Variants in TRIM37 observed in about 807,000 individuals in gnomAD.
TRIM37 encodes the protein E3 ubiquitin-protein ligase TRIM37.
TRIM37 carries 80 observed loss-of-function variants against 129.8 expected under a neutral mutation model. The observed-to-expected ratio is 0.62, with a 90% CI of 0.51 to 0.74. The LOEUF (loss-of-function observed/expected upper bound fraction) is 0.74, where lower values mean the gene tolerates loss of function less well. Ranked by LOEUF, TRIM37 falls within the 30% of genes least tolerant of loss-of-function variation. The probability of loss-of-function intolerance (pLI) is 0.00; values close to 1 mark genes in which losing one functional copy is unlikely to be tolerated. For synonymous variants in TRIM37, 389 were observed against 387.1 expected (o/e 1.00, Z -0.06); for missense variants, 1,054 against 1,176.5 (o/e 0.90, Z 1.52).
intron 23 of TRIM37, among the ~76,000 whole-genome samples, chr17:59,001,379 A>T (rs1239961296): frequency 6.6e-6 from 1 of 151,830 alleles, no homozygotes; most frequent in Non-Finnish European, 1.5e-5. Context: ...ACCAAGCCAA[A>T]TATTACTGGC....
Position 59,012,338 on chromosome 17 carries a change from G to A in TRIM37, c.2685C>T (p.Ala895=). 2 of 1,606,300 alleles carry A rather than the reference G, an allele frequency of 1.2e-6. No individual in the cohort carries two copies. The highest frequency in any genetic ancestry group is 2.7e-5 in the African/African-American group (2 of 74,656). ...TTTATCATTCCTTACCTTCTTCAGGGGCAGCTGAAGCTCCTTCAGGTAGTA... is the reference window on the plus strand; with the variant it reads ...TTTATCATTCCTTACCTTCTTCAGGAGCAGCTGAAGCTCCTTCAGGTAGTA... ...QPVLPEGASA[A]PEEGMSSDSD... is the part of the protein sequence containing the mutation. Residue 895 remains alanine (A), a synonymous_variant, in exon 22 of 24, where the codon GCC becomes GCT. Transcript: ENST00000262294.
At chr17:59,067,017 A>T (rs1184262641) in intron 9 of TRIM37, among the ~76,000 whole-genome samples, 1 of 152,078 alleles carries the variant, frequency 6.6e-6, no homozygotes. Context: ...TTTGCTTTTT[A>T]AATTTAAATT....
At chr17:59,054,632 T>C (rs773329464) in intron 13 of TRIM37, among the ~76,000 whole-genome samples, 3 of 151,122 alleles carry the variant, frequency 2.0e-5, no homozygotes, top group Non-Finnish European at 4.4e-5. Flanking sequence ...CTGTAAAGAC[T>C]ACCCCACGTT....
chr17:59,087,658 A>G (rs759749443), intron 4 of TRIM37, among the ~76,000 whole-genome samples: 8 of 151,702 alleles, frequency 5.3e-5, no homozygotes, highest in Non-Finnish European at 1.2e-4. Flanking sequence ...TTTTCTAATG[A>G]CCTGTGAGGT....
chr17:58,998,610 G>A lies in TRIM37; in HGVS notation c.*767C>T, dbSNP rs1227968502. 1.0e-6 allele frequency: 1 copy of A among 985,200 alleles called. No homozygotes were observed. Among genetic ancestry groups the A allele is most frequent in the East Asian group, 1.1e-4 (1 of 8,828 alleles). The allele number at this position is 985,200 out of a possible 1,614,324, so 61.0% of individuals were successfully genotyped here. ...TAATGAAAATAAAGAAGAAAAGGGG[G>A]CTTTAAAATATTTGTTGCACTACAG... On this transcript the variant is annotated 3_prime_UTR_variant, in exon 24 of 24. Transcript: ENST00000262294.
In TRIM37 at chr17:59,057,911, T is replaced by C. The variant is rs187434212; in HGVS notation, c.1020-857A>G. Among the ~76,000 whole-genome samples, 183 of 152,254 alleles carry C rather than the reference T, an allele frequency of 1.2e-3. 1 individual carries two copies. The highest frequency in any genetic ancestry group is 6.8e-3 in the Middle Eastern group (2 of 294). ...TAAAGATGTTTACCGATATATCAGG[T>C]ATAAAACAACACCTCAAAAAATAAA... On this transcript the variant is annotated intron_variant, in intron 12 of 23. Transcript: ENST00000262294.
chr17:59,088,476 T>C, intron 3 of TRIM37, 69 bp from the exon 4 acceptor site: 1 of 1,000,808 alleles, frequency 1.0e-6, no homozygotes, highest in Non-Finnish European at 1.6e-6. Context: ...TAAATACGTT[T>C]CTCAAAATAG....
At chr17:59,018,813 A>G (rs982422803) in intron 19 of TRIM37, among the ~76,000 whole-genome samples, 2 of 152,126 alleles carry the variant, frequency 1.3e-5, no homozygotes, top group African/African-American at 4.8e-5. Context: ...TCTTAAATGG[A>G]ACACTCACTT....
chr17:58,998,159 AG>A (rs2033190350), downstream of TRIM37: 2 of 950,170 alleles, frequency 2.1e-6, no homozygotes, highest in African/African-American at 1.8e-5. Context: ...TGAGTAGAAA[AG>A]AAGGGGTTTC....
At chr17:59,090,030 GT>G (rs1203539487) in intron 3 of TRIM37, 1 of 152,064 alleles carries the variant, frequency 6.6e-6, no homozygotes, top group Non-Finnish European at 1.5e-5. Flanking sequence ...AGCCCAGGAG[GT>G]CGAGGCTGCA....
downstream of TRIM37, among the ~76,000 whole-genome samples, chr17:58,997,257 C>T (rs1450037509): frequency 6.6e-6 from 1 of 152,124 alleles, no homozygotes; most frequent in Admixed American, 6.6e-5. Context: ...TACGGAAACT[C>T]TTGCACAATT....
At chr17:58,972,876 G>A in the TRIM37 span, 2 of 1,613,252 alleles carry the variant, frequency 1.2e-6, no homozygotes, top group Non-Finnish European at 8.5e-7. Flanking sequence ...GCGTAGTCTG[G>A]TTTGGTGCCT....
At chr17:59,099,838 T>C (rs1457509329) in intron 2 of TRIM37, among the ~76,000 whole-genome samples, 4 of 152,182 alleles carry the variant, frequency 2.6e-5, no homozygotes, top group Admixed American at 2.0e-4. Context: ...AGTTTCGCTC[T>C]TGTTGCCCAG....
chr17:59,061,161 A>G (rs760420956), intron 11 of TRIM37, 53 bp from the exon 12 acceptor site: 1 of 1,391,680 alleles, frequency 7.2e-7, no homozygotes, highest in Non-Finnish European at 1.0e-6. Flanking sequence ...ACAATAAAAC[A>G]AAATGCAGAT....
rs776748610 is a variant in TRIM37, at chr17:58,999,469, A to C, written c.2813-10T>G. 49 of 1,595,090 alleles carry C rather than the reference A, an allele frequency of 3.1e-5. No homozygotes were observed. Among genetic ancestry groups the C allele is most frequent in the Middle Eastern group, 1.7e-4 (1 of 5,840 alleles). ...AAACTGGAATGTGTATCTATGATTA[A>C]AAAATAAATAAAAAATTTAAAATTT... On this transcript the variant is annotated splice_polypyrimidine_tract_variant and intron_variant, in intron 23 of 23. Coordinates refer to ENST00000262294, the MANE Select transcript of TRIM37 (RefSeq NM_015294.6).
chr17:58,973,384 G>A, the TRIM37 span, among the ~76,000 whole-genome samples: 8 of 149,344 alleles, frequency 5.4e-5, no homozygotes, highest in Non-Finnish European at 7.4e-5. Context: ...GCCATTGCAC[G>A]CCAGCCTGGG....
intron 22 of TRIM37, among the ~76,000 whole-genome samples, 185 bp from the exon 23 acceptor site, chr17:59,001,899 C>T (rs535614793): frequency 6.6e-6 from 1 of 152,294 alleles, no homozygotes; most frequent in Non-Finnish European, 1.5e-5. Context: ...TTCTCTTTAG[C>T]TATTTAGAGT....
At position 59,081,111 on chromosome 17, in the gene TRIM37, A is replaced by G. The variant is rs780787361; in HGVS notation, c.478T>C (p.Leu160=). The change falls in exon 6 of 24, where the codon TTA becomes CTA. Residue 160 remains leucine (L), a synonymous_variant. Coordinates refer to ENST00000262294, the MANE Select transcript of TRIM37 (RefSeq NM_015294.6). ...AGTAGTCTTACCACTTCTTGAACTAAGCTGATCAGTTCCATGAGACGCCGA... is the reference window on the plus strand; with the variant it reads ...AGTAGTCTTACCACTTCTTGAACTAGGCTGATCAGTTCCATGAGACGCCGA... ...LRRRLMELIS[L]VQEVERNVEA... is the part of the protein sequence containing the mutation. 7 of 1,612,886 alleles carry G rather than the reference A, an allele frequency of 4.3e-6. No individual in the cohort carries two copies. The highest frequency in any genetic ancestry group is 1.3e-5 in the African/African-American group (1 of 74,870).
chr17:59,077,272 T>C (rs1429642841), intron 7 of TRIM37, among the ~76,000 whole-genome samples: 5 of 151,168 alleles, frequency 3.3e-5, no homozygotes, highest in African/African-American at 9.7e-5. Flanking sequence ...TTTTTCTTTT[T>C]TTTTTTTTTT....
Sources: allele counts gnomAD v4.1 joint callset (sites outside exome capture counted in the v4.1 genomes callset), GRCh38; gene constraint gnomAD v4.1.1; transcripts MANE v1.5; gene names NCBI Gene and HGNC (gene_info 2026-07-23, HGNC 2026-07-21).